The following GRIK1 variants were observed in gnomAD, a reference collection of about 807,000 sequenced individuals.
GRIK1 encodes the protein glutamate receptor ionotropic, kainate 1.
GRIK1 carries 69 observed loss-of-function variants against 105.7 expected under a neutral mutation model. That is an observed-to-expected ratio of 0.65 (90% confidence interval 0.54 to 0.80). GRIK1 has a LOEUF of 0.80. Ranked by LOEUF, GRIK1 falls within the 30% of genes least tolerant of loss-of-function variation. The pLI, the probability that GRIK1 is intolerant of heterozygous loss-of-function variation, is 0.00. For missense variants in GRIK1, 1,109 were observed against 1,167.3 expected, an observed-to-expected ratio of 0.95 and a Z score of 0.73; for synonymous variants, 438 against 431.3, an observed-to-expected ratio of 1.02 and a Z score of -0.19.
chr21:29,862,569 T>A (rs2068679712), intron 1 of GRIK1, among the ~76,000 whole-genome samples: 1 of 152,142 alleles, frequency 6.6e-6, no homozygotes, highest in Non-Finnish European at 1.5e-5. Flanking sequence ...AAGTCATCCA[T>A]CATGAGGTGT....
chr21:29,628,385 A>G (rs781322464), intron 7 of GRIK1, among the ~76,000 whole-genome samples: 3 of 152,160 alleles, frequency 2.0e-5, no homozygotes, highest in African/African-American at 7.2e-5. Context: ...GCTGTTTATA[A>G]CCCATTATCT....
chr21:29,920,762 C>T (rs1338076250), intron 1 of GRIK1, among the ~76,000 whole-genome samples: 1 of 151,920 alleles, frequency 6.6e-6, no homozygotes, highest in African/African-American at 2.4e-5. Context: ...TTGTAACTTG[C>T]TGTAGTGTCT....
chr21:29,711,263 C>T (rs568549982), intron 1 of GRIK1, among the ~76,000 whole-genome samples: 1 of 152,062 alleles, frequency 6.6e-6, no homozygotes, highest in East Asian at 1.9e-4. Context: ...TTTATTGTAC[C>T]TTTTCTATAT....
Position 29,588,985 on chromosome 21 carries a change from A to G in GRIK1, c.1423T>C (p.Phe475Leu). 6.2e-7 allele frequency: 1 copy of G among 1,605,742 alleles called. No individual in the cohort carries two copies. Among genetic ancestry groups the G allele is most frequent in the Non-Finnish European group, 8.5e-7 (1 of 1,172,336 alleles). Residue 475 changes from phenylalanine to leucine, a missense_variant, in exon 11 of 18, where the codon TTT (phenylalanine) becomes CTT (leucine). Around this residue, in one of 5 missense-constraint regions of GRIK1, gnomAD observed 54 missense variants for 88.1 expected, o/e 0.61. Transcript: ENST00000327783. ...AACAGGTCTAGGCAATATCCTTCAA[A>G]TCTGTCATTTCCATATAGAGGCTTA... is the stretch of plus-strand genomic sequence containing the variant. ...SDKPLYGNDRFEGYCLDLLKE... is the reference protein window; with the variant it reads ...SDKPLYGNDRLEGYCLDLLKE...
At chr21:29,651,049 A>G (rs1319472094) in intron 6 of GRIK1, 69 bp downstream of exon 6, 2 of 1,135,918 alleles carry the variant, frequency 1.8e-6, no homozygotes, top group African/African-American at 1.6e-5. Context: ...TATTTTAAAG[A>G]TACGTGAGAT....
intron 7 of GRIK1, chr21:29,601,134 C>A (rs146914796): frequency 3.8e-5 from 16 of 426,290 alleles, no homozygotes; most frequent in East Asian, 1.8e-4. Context: ...GGCAGACAGC[C>A]CTCTCCACGT....
At chr21:29,604,730 C>G (rs1352251527) in intron 7 of GRIK1, among the ~76,000 whole-genome samples, 1 of 152,124 alleles carries the variant, frequency 6.6e-6, no homozygotes, top group African/African-American at 2.4e-5. Context: ...ATTTTCTACC[C>G]TGCATCAGAT....
intron 2 of GRIK1, among the ~76,000 whole-genome samples, chr21:29,690,888 T>C (rs965935740): frequency 3.9e-5 from 6 of 152,244 alleles, no homozygotes; most frequent in African/African-American, 1.2e-4. Flanking sequence ...ATTATATAAA[T>C]ACAGTTTGAC....
chr21:29,566,407 G>T (rs558591112), intron 14 of GRIK1, among the ~76,000 whole-genome samples: 61 of 152,268 alleles, frequency 4.0e-4, no homozygotes, highest in African/African-American at 1.3e-3. Context: ...AATCCTGAGA[G>T]GCATCTGTTT....
At chr21:29,774,420 A>T (rs958720192) in intron 1 of GRIK1, among the ~76,000 whole-genome samples, 3 of 151,436 alleles carry the variant, frequency 2.0e-5, no homozygotes, top group Non-Finnish European at 4.4e-5. Flanking sequence ...AGTGTAGAGA[A>T]TCAAGTGCTG....
At chr21:29,672,146 C>T (rs892022590) in intron 4 of GRIK1, among the ~76,000 whole-genome samples, 2 of 151,188 alleles carry the variant, frequency 1.3e-5, no homozygotes, top group African/African-American at 4.9e-5. Context: ...CAACCTCTGC[C>T]TCCTGGGTTC....
At chr21:29,789,075 C>T (rs1465231903) in intron 1 of GRIK1, among the ~76,000 whole-genome samples, 1 of 152,196 alleles carries the variant, frequency 6.6e-6, no homozygotes, top group East Asian at 1.9e-4. Context: ...TTGGAAGTGG[C>T]TATGTTAAAC....
chr21:29,720,913 G>T (rs1053553960), intron 1 of GRIK1, among the ~76,000 whole-genome samples: 9 of 152,068 alleles, frequency 5.9e-5, no homozygotes, highest in Non-Finnish European at 1.2e-4. Flanking sequence ...CAATATTCTA[G>T]AATCCTCTCC....
chr21:29,739,216 A>G (rs1040136089), intron 1 of GRIK1, among the ~76,000 whole-genome samples: 1 of 152,186 alleles, frequency 6.6e-6, no homozygotes, highest in African/African-American at 2.4e-5. Flanking sequence ...CCTATTTTAG[A>G]TAGGATGGTC....
intron 1 of GRIK1, among the ~76,000 whole-genome samples, chr21:29,782,302 GGT>G (rs2066143918): frequency 6.6e-6 from 1 of 151,842 alleles, no homozygotes; most frequent in African/African-American, 2.4e-5. Context: ...TAGCCAGGAT[GGT>G]CTCGATCTCC....
At chr21:29,835,192 C>T (rs1165120290) in intron 1 of GRIK1, among the ~76,000 whole-genome samples, 1 of 152,172 alleles carries the variant, frequency 6.6e-6, no homozygotes, top group East Asian at 1.9e-4. Flanking sequence ...AAGCCTCCTA[C>T]AAATCTTTCT....
At chr21:29,677,242 T>C (rs1369908653) in intron 3 of GRIK1, among the ~76,000 whole-genome samples, 2 of 152,224 alleles carry the variant, frequency 1.3e-5, no homozygotes, top group African/African-American at 4.8e-5. Flanking sequence ...GTACATGTCC[T>C]GCAACTTTTC....
At chr21:29,562,255 A>G (rs1434785595) in intron 14 of GRIK1, among the ~76,000 whole-genome samples, 2 of 152,210 alleles carry the variant, frequency 1.3e-5, no homozygotes, top group Non-Finnish European at 2.9e-5. Context: ...GCCCTGGAGT[A>G]AACCACTGAC....
intron 1 of GRIK1, among the ~76,000 whole-genome samples, chr21:29,884,220 T>C (rs1260180564): frequency 6.6e-6 from 1 of 152,054 alleles, no homozygotes; most frequent in Non-Finnish European, 1.5e-5. Context: ...TTTTCCAACA[T>C]GTATGGTTCA....
Sources: gnomAD v4.1 joint callset for allele counts (sites outside exome capture counted in the v4.1 genomes callset) on GRCh38, gnomAD v4.1.1 for gene constraint, gnomAD v4.1.1 regional missense constraint, MANE v1.5 for transcripts, NCBI Gene and HGNC (gene_info 2026-07-23, HGNC 2026-07-21) for gene names.